Variants in E2F8 observed in about 807,000 individuals in gnomAD.
E2F8 encodes the protein E2F transcription factor 8, also known as transcription factor E2F8.
Under a neutral mutation model 80.8 loss-of-function variants are expected in E2F8, and 35 were observed. The ratio of observed to expected loss-of-function variants is 0.43; its 90% CI spans 0.33 to 0.57. The LOEUF (loss-of-function observed/expected upper bound fraction) is 0.57, where lower values mean the gene tolerates loss of function less well. Ranked by LOEUF, E2F8 falls within the 20% of genes least tolerant of loss-of-function variation. The probability of loss-of-function intolerance (pLI) is 0.04; values close to 1 mark genes in which losing one functional copy is unlikely to be tolerated. For missense variants in E2F8, 975 were observed against 1,056.2 expected, an observed-to-expected ratio of 0.92 and a Z score of 1.07; for synonymous variants, 386 against 395.0, an observed-to-expected ratio of 0.98 and a Z score of 0.27.
At chr11:19,235,197 A>T in intron 4 of E2F8, 139 bp from the exon 5 acceptor site, 1 of 775,764 alleles carries the variant, frequency 1.3e-6, no homozygotes. Flanking sequence ...TACTCAACAA[A>T]TACTGTGAAG....
In E2F8 at chr11:19,225,763, T is replaced by C; in HGVS notation, c.1995A>G (p.Pro665=). ...TTGGGGAGCTGTAAATCCTGTGGTT[T>C]GGGGAAAGAGCACTTGAGTTTTCTT... ...SGKENSSALS[P]NHRIYSSPIA... Residue 665 remains proline (P), a synonymous_variant, in exon 11 of 13, where the codon CCA becomes CCG. Transcript: ENST00000250024. The C allele has an allele frequency of 6.2e-7, 1 of 1,614,216 alleles. No homozygotes were observed. The highest frequency in any genetic ancestry group is 2.2e-5 in the East Asian group (1 of 44,882).
intron 5 of E2F8, 93 bp downstream of exon 5, chr11:19,234,651 G>T: frequency 6.6e-7 from 1 of 1,524,540 alleles, no homozygotes; most frequent in African/African-American, 1.4e-5. Context: ...ATTAAAGGCA[G>T]CAGTAGCTTT....
chr11:19,225,482 T>C lies in E2F8; in HGVS notation c.2160A>G (p.Ser720=). Residue 720 remains serine (S), a synonymous_variant, in exon 12 of 13, where the codon TCA becomes TCG. Transcript: ENST00000250024. ...GGTTCTGGATGGGAACAGGGTGGCT[T>C]GAAGCGAGAGCCGGGCTGTTCCCGA... The part of the protein sequence containing the change: ...VPVGNSPALA[S]SHPVPIQNPS... 1.2e-6 allele frequency: 2 copies of C among 1,614,112 alleles called. No homozygotes were observed. The highest frequency in any genetic ancestry group is 1.7e-6 in the Non-Finnish European group (2 of 1,180,014).
intron 5 of E2F8, 76 bp downstream of exon 5, chr11:19,234,668 G>A (rs1456039075): frequency 3.3e-6 from 5 of 1,537,966 alleles, no homozygotes; most frequent in African/African-American, 1.4e-5. Context: ...CTTTAGAGCT[G>A]TGTTCTCCAC....
intron 4 of E2F8, among the ~76,000 whole-genome samples, chr11:19,235,800 T>C (rs1014408002): frequency 1.3e-5 from 2 of 152,128 alleles, no homozygotes; most frequent in African/African-American, 4.8e-5. Flanking sequence ...TACAAACACG[T>C]ACACACACGC....
chr11:19,225,477 TGGCTTGAAGCGAGAGCCG>T lies in E2F8; in HGVS notation c.2147_2164del (p.Pro716_Ser721del). On this transcript the variant is annotated inframe_deletion, in exon 12 of 13. Transcript: ENST00000250024. Reference sequence around the variant, plus strand: ...GCTTGGGTTCTGGATGGGAACAGGGTGGCTTGAAGCGAGAGCCGGGCTGTTCCCGACAGGTACGGCTGC... The same window carrying T: ...GCTTGGGTTCTGGATGGGAACAGGGTGGCTGTTCCCGACAGGTACGGCTGC... The T allele has an allele frequency of 1.9e-6, 3 of 1,614,088 alleles. No individual in the cohort carries two copies. Among genetic ancestry groups the T allele is most frequent in the Non-Finnish European group, 2.5e-6 (3 of 1,180,012 alleles).
chr11:19,227,328 T>C (rs181733753), intron 10 of E2F8, among the ~76,000 whole-genome samples: 1 of 152,312 alleles, frequency 6.6e-6, no homozygotes, highest in East Asian at 1.9e-4. Flanking sequence ...AGAGAATTTT[T>C]AAGGGGCAAA....
chr11:19,236,241 TC>T (rs1171913259), intron 4 of E2F8, among the ~76,000 whole-genome samples: 5 of 152,188 alleles, frequency 3.3e-5, no homozygotes, highest in African/African-American at 1.2e-4. Flanking sequence ...CTTGCTTCTT[TC>T]AAGTCCTTGC....
rs544481660 is a variant in E2F8, at chr11:19,239,488, C to A, written c.15+619G>T. Among the ~76,000 whole-genome samples, 14 of 151,974 alleles carry A rather than the reference C, an allele frequency of 9.2e-5. No individual in the cohort carries two copies. In the South Asian group the frequency reaches 2.9e-3, roughly 32 times the overall value. ...TTTAAACCTATTAGTAGTTGGACAC[C>A]CCCCACAGACAATTCTTTTGTAATT... On this transcript the variant is annotated intron_variant, in intron 2 of 12. Transcript: ENST00000250024.
At chr11:19,230,586 A>C (rs1219537170) in intron 8 of E2F8, 45 bp downstream of exon 8, 1 of 1,589,908 alleles carries the variant, frequency 6.3e-7, no homozygotes, top group Non-Finnish European at 8.6e-7. Context: ...AATGAGATAA[A>C]AGGGAATTCT....
intron 10 of E2F8, among the ~76,000 whole-genome samples, chr11:19,228,101 G>A (rs1462369374): frequency 6.6e-6 from 1 of 151,926 alleles, no homozygotes; most frequent in East Asian, 1.9e-4. Flanking sequence ...AAAAAGAAAT[G>A]GTTAGAGTTG....
Position 19,224,694 on chromosome 11 carries a change from C to G in E2F8, c.2568G>C (p.Gln856His). The G allele has an allele frequency of 6.2e-7, 1 of 1,614,156 alleles. No homozygotes were observed. The highest frequency in any genetic ancestry group is 1.7e-5 in the Admixed American group (1 of 60,018). The change falls in exon 13 of 13, where the codon CAG becomes CAC. Residue 856 changes from glutamine (Q) to histidine (H), a missense_variant. Transcript: ENST00000250024. ...CCTCTGTTGAGACTTCCAGTTTTCG[C>G]TGTGGGACAAAGAGAGTTCCTAAGG... ...KTSLGTLFVP[Q>H]RKLEVSTEDV...
chr11:19,233,977 G>C (rs909441313), intron 6 of E2F8, among the ~76,000 whole-genome samples: 1 of 150,818 alleles, frequency 6.6e-6, no homozygotes, highest in African/African-American at 2.4e-5. Flanking sequence ...GTGAAACCCC[G>C]TCTCCACTAA....
Position 19,224,747 on chromosome 11 carries a change from T to C in E2F8, c.2515A>G (p.Met839Val), listed in dbSNP as rs761875082. ...GTTTTATTAGCACCCTCAAAATCCA[T>C]GCAGGATGAGCTGGTTGGCTTGGTG... is the stretch of plus-strand genomic sequence containing the variant. ...GPTKPTSSSC[M>V]DFEGANKTSL... The change falls in exon 13 of 13, where the codon ATG becomes GTG. Residue 839 changes from methionine (M) to valine (V), a missense_variant. Coordinates refer to ENST00000250024, the MANE Select transcript of E2F8 (RefSeq NM_024680.4). 7 of 1,614,074 alleles carry C rather than the reference T, an allele frequency of 4.3e-6. No homozygotes were observed. Among genetic ancestry groups the C allele is most frequent in the African/African-American group, 4.0e-5 (3 of 74,916 alleles).
At chr11:19,230,920 G>A (rs944312909) in intron 7 of E2F8, 86 bp from the exon 8 acceptor site, 2 of 1,305,944 alleles carry the variant, frequency 1.5e-6, no homozygotes, top group African/African-American at 1.5e-5. Flanking sequence ...AGGAATAAAA[G>A]TGGCAAGTTA....
At position 19,235,061 on chromosome 11, in the gene E2F8, A is replaced by G; in HGVS notation, c.452-3T>C. On this transcript the variant is annotated splice_region_variant and splice_polypyrimidine_tract_variant and intron_variant, in intron 4 of 12. Coordinates refer to ENST00000250024, the MANE Select transcript of E2F8 (RefSeq NM_024680.4). ...GTAAATGCGTCGACGTTCAACATCT[A>G]CAAAGAATGTGCAATTGTGTGTTAC... The G allele has an allele frequency of 6.3e-7, 1 of 1,597,416 alleles. No individual in the cohort carries two copies. The highest frequency in any genetic ancestry group is 2.2e-5 in the East Asian group (1 of 44,680).
chr11:19,240,201 C>G lies in E2F8; in HGVS notation c.-80G>C. 2.2e-6 allele frequency: 2 copies of G among 910,996 alleles called. No individual in the cohort carries two copies. Among genetic ancestry groups the G allele is most frequent in the Non-Finnish European group, 3.2e-6 (2 of 626,318 alleles). The allele number at this position is 910,996 out of a possible 1,614,324, so 56.4% of individuals were successfully genotyped here. ...CCCAAATCCCGATGGTTCAAGTAGT[C>G]CAATCAATTGTACTAAAAGTTTTAA... On this transcript the variant is annotated 5_prime_UTR_variant, in exon 2 of 13. Coordinates refer to ENST00000250024, the MANE Select transcript of E2F8 (RefSeq NM_024680.4).
Position 19,229,408 on chromosome 11 carries a change from GA to G in E2F8, c.1893+45del. 1 of 1,554,378 alleles carries G rather than the reference GA, an allele frequency of 6.4e-7. No homozygotes were observed. Among genetic ancestry groups the G allele is most frequent in the Non-Finnish European group, 8.7e-7 (1 of 1,153,450 alleles). On this transcript the variant is annotated intron_variant, in intron 10 of 12. Coordinates refer to ENST00000250024, the MANE Select transcript of E2F8 (RefSeq NM_024680.4). The surrounding 1 kb of genome is among the most constrained non-coding windows in gnomAD (Gnocchi z 4.3). ...ACAAGCCACCAATCTTCCTGTAATAGACTAGGGAATTCCTAAAGCTTTGTGC... is the reference window on the plus strand; with the variant it reads ...ACAAGCCACCAATCTTCCTGTAATAGCTAGGGAATTCCTAAAGCTTTGTGC...
chr11:19,236,837 A>G (rs1411738464), intron 4 of E2F8, among the ~76,000 whole-genome samples: 1 of 152,242 alleles, frequency 6.6e-6, no homozygotes, highest in Non-Finnish European at 1.5e-5. Flanking sequence ...CAGGAGGAAT[A>G]ACTTGTGCCC....
Sources: allele counts gnomAD v4.1 joint callset (sites outside exome capture counted in the v4.1 genomes callset), GRCh38; gene constraint gnomAD v4.1.1; non-coding constraint Gnocchi (gnomAD v3.1); transcripts MANE v1.5; gene names NCBI Gene and HGNC (gene_info 2026-07-23, HGNC 2026-07-21).